Variants in PTPRD observed in about 807,000 individuals in gnomAD.
The protein encoded by PTPRD is protein tyrosine phosphatase receptor type D.
A neutral mutation model predicts 214.5 loss-of-function variants in PTPRD; 34 were observed. That is an observed-to-expected ratio of 0.16 (90% CI 0.12 to 0.21). The LOEUF (loss-of-function observed/expected upper bound fraction) is 0.21. Ranked by LOEUF, PTPRD falls within the 10% of genes least tolerant of loss-of-function variation. The probability of loss-of-function intolerance (pLI) is 1.00; values close to 1 mark genes in which losing one functional copy is unlikely to be tolerated. For missense variants in PTPRD, 2,545 were observed against 2,398.7 expected, an observed-to-expected ratio of 1.06 and a Z score of -1.27; for synonymous variants, 1,128 against 845.7, an observed-to-expected ratio of 1.33 and a Z score of -5.79.
chr9:10,437,525 T>C (rs1417042299), intron 2 of PTPRD, among the ~76,000 whole-genome samples: 3 of 151,786 alleles, frequency 2.0e-5, no homozygotes, highest in African/African-American at 7.3e-5. Flanking sequence ...GGATGCTAAG[T>C]TATGTATGAA....
At chr9:8,323,538 T>C (rs373315886) in intron 44 of PTPRD, among the ~76,000 whole-genome samples, 32 of 152,270 alleles carry the variant, frequency 2.1e-4, no homozygotes, top group African/African-American at 7.2e-4. Flanking sequence ...AGAAGTTGAT[T>C]CCAATCTTCA....
chr9:9,569,969 T>G (rs2085844063), intron 8 of PTPRD, among the ~76,000 whole-genome samples: 1 of 151,514 alleles, frequency 6.6e-6, no homozygotes, highest in Non-Finnish European at 1.5e-5. Context: ...GAACTAGTTT[T>G]TCAGAAATAT....
intron 4 of PTPRD, among the ~76,000 whole-genome samples, chr9:9,941,578 C>A (rs1479271513): frequency 1.3e-5 from 2 of 152,220 alleles, no homozygotes; most frequent in Non-Finnish European, 2.9e-5. Flanking sequence ...CGGCCTCAGC[C>A]TCCCAAAGTG....
intron 9 of PTPRD, among the ~76,000 whole-genome samples, chr9:9,292,036 A>T (rs1951325387): frequency 6.6e-6 from 1 of 151,292 alleles, no homozygotes; most frequent in Non-Finnish European, 1.5e-5. Context: ...TGAATAAGTA[A>T]TACTGGTATT....
intron 3 of PTPRD, among the ~76,000 whole-genome samples, chr9:10,038,931 C>T (rs567199471): frequency 1.1e-4 from 17 of 152,092 alleles, no homozygotes; most frequent in South Asian, 4.1e-4. Context: ...CTAACGCTGA[C>T]GATAAACTTT....
At chr9:10,041,460 A>G (rs1253610058) in intron 3 of PTPRD, among the ~76,000 whole-genome samples, 1 of 151,984 alleles carries the variant, frequency 6.6e-6, no homozygotes. Context: ...AGGACCTAAA[A>G]TAAGATAGGA....
intron 10 of PTPRD, among the ~76,000 whole-genome samples, chr9:9,029,086 T>C (rs1004902241): frequency 6.6e-6 from 1 of 151,952 alleles, no homozygotes; most frequent in Non-Finnish European, 1.5e-5. Flanking sequence ...ATCTCATTCA[T>C]ATTAGTCATT....
intron 11 of PTPRD, among the ~76,000 whole-genome samples, chr9:8,776,753 A>AT (rs989084053): frequency 1.2e-3 from 177 of 146,228 alleles, no homozygotes; most frequent in Non-Finnish European, 1.1e-3. Context: ...AGAATAGGCT[A>AT]TTTTTTTTTT....
In PTPRD at chr9:10,170,454, G is replaced by A. The variant is rs577653192; in HGVS notation, c.-544-136664C>T. Among the ~76,000 whole-genome samples, 176 of 152,282 alleles carry A rather than the reference G, an allele frequency of 1.2e-3. 2 individuals are homozygous for A. Among genetic ancestry groups the A allele is most frequent in the Non-Finnish European group, 2.1e-3 (145 of 68,020 alleles). ...CACCTGTAATCCCAGCACTTTGGGA[G>A]GCCGAGGCAGGCAGATCACGAGGTC... On this transcript the variant is annotated intron_variant, in intron 3 of 45. Transcript: ENST00000381196.
chr9:9,638,938 C>G (rs2095853849), intron 7 of PTPRD, among the ~76,000 whole-genome samples: 1 of 152,028 alleles, frequency 6.6e-6, no homozygotes, highest in Admixed American at 6.6e-5. Flanking sequence ...GAACAAAACT[C>G]TCTCCTTCAA....
chr9:9,949,508 C>T (rs1436549066), intron 4 of PTPRD, among the ~76,000 whole-genome samples: 3 of 152,078 alleles, frequency 2.0e-5, no homozygotes, highest in Non-Finnish European at 4.4e-5. Context: ...TTCTTTGCAA[C>T]AGCCCTCGTA....
Position 10,552,589 on chromosome 9 carries a change from C to T in PTPRD, c.-600+59809G>A, listed in dbSNP as rs529809977. Among the ~76,000 whole-genome samples the T allele has an allele frequency of 3.9e-5, 6 of 152,288 alleles. No individual in the cohort carries two copies. The South Asian group carries it at 8.3e-4, about 21-fold the overall frequency. On this transcript the variant is annotated intron_variant, in intron 2 of 45. Transcript: ENST00000381196. ...ATAATGCATCACATTTATATCCCTA[C>T]CACTGTGGACGCTAGATCAACCAAT...
intron 8 of PTPRD, among the ~76,000 whole-genome samples, chr9:9,551,437 A>T (rs1281877589): frequency 6.6e-6 from 1 of 152,030 alleles, no homozygotes; most frequent in Non-Finnish European, 1.5e-5. Flanking sequence ...TTAATTTTAC[A>T]TCAATACAAG....
intron 4 of PTPRD, among the ~76,000 whole-genome samples, chr9:9,966,454 C>T (rs1367269555): frequency 6.6e-6 from 1 of 152,116 alleles, no homozygotes; most frequent in Non-Finnish European, 1.5e-5. Flanking sequence ...TCAGTAAAAG[C>T]TCTTGCTTCC....
At chr9:9,352,325 ATATG>A (rs141064240) in intron 9 of PTPRD, among the ~76,000 whole-genome samples, 32,180 of 142,044 alleles carry the variant, frequency 0.23, 3,545 homozygotes, top group South Asian at 0.3. Context: ...ATATATATAT[ATATG>A]TGTGTGTGTG....
intron 8 of PTPRD, among the ~76,000 whole-genome samples, chr9:9,524,172 C>G (rs542689306): frequency 1.3e-5 from 2 of 152,118 alleles, no homozygotes; most frequent in Non-Finnish European, 2.9e-5. Flanking sequence ...CAGAGAGAGA[C>G]AATTTCTGGA....
At chr9:9,314,115 G>A (rs1961019088) in intron 9 of PTPRD, among the ~76,000 whole-genome samples, 1 of 152,266 alleles carries the variant, frequency 6.6e-6, no homozygotes, top group South Asian at 2.1e-4. Context: ...TTGTTTGTTT[G>A]AAGGTGGTGG....
At chr9:9,406,715 A>G (rs934964800) in intron 8 of PTPRD, among the ~76,000 whole-genome samples, 4 of 151,882 alleles carry the variant, frequency 2.6e-5, no homozygotes, top group Non-Finnish European at 5.9e-5. Flanking sequence ...AGAGACTGAC[A>G]AAGTTGGATG....
chr9:9,931,944 G>A (rs1264688613), intron 5 of PTPRD, among the ~76,000 whole-genome samples: 4 of 151,820 alleles, frequency 2.6e-5, no homozygotes, highest in Non-Finnish European at 5.9e-5. Context: ...GCCTAACTGG[G>A]AGGCACCCCC....
Sources: gnomAD v4.1 joint callset for allele counts (sites outside exome capture counted in the v4.1 genomes callset) on GRCh38, gnomAD v4.1.1 for gene constraint, MANE v1.5 for transcripts, NCBI Gene and HGNC (gene_info 2026-07-23, HGNC 2026-07-21) for gene names.